The following CAPN13 variants were observed in gnomAD, a reference collection of about 807,000 sequenced individuals.
CAPN13 encodes the protein calpain 13, also known as calpain-13.
CAPN13 carries 90 observed loss-of-function variants against 98.4 expected under a neutral mutation model. The observed-to-expected ratio is 0.92, with a 90% confidence interval of 0.77 to 1.09. The LOEUF is 1.09. CAPN13 is among the 50% of genes least tolerant of loss of function. CAPN13 has a pLI of 0.00. For synonymous variants in CAPN13, 330 were observed against 305.5 expected, an observed-to-expected ratio of 1.08 and a Z score of -0.84; for missense variants, 887 against 841.3, an observed-to-expected ratio of 1.05 and a Z score of -0.67.
rs1054149930 is a variant in CAPN13 at position 30,773,883 on chromosome 2, G to A, written c.387+2047C>T. On this transcript the variant is annotated intron_variant, in intron 4 of 22. Transcript: ENST00000295055. ...CAGTATGTAAAACTTACAACCACTGGATAATATAGATTGTTCTTGTGTGTC... is the reference window on the plus strand; with the variant it reads ...CAGTATGTAAAACTTACAACCACTGAATAATATAGATTGTTCTTGTGTGTC... Among the ~76,000 whole-genome samples the A allele has an allele frequency of 7.2e-5, 11 of 152,132 alleles. 1 individual carries two copies. In the South Asian group the frequency reaches 2.1e-3, roughly 29 times the overall value.
In CAPN13 at chr2:30,743,315, T is replaced by C; in HGVS notation, c.1445+68A>G. ...GCACGAATGCACAGAGAACTGCCCATAATTACACAATGTGTTTTTATAAAG... is the reference window on the plus strand; with the variant it reads ...GCACGAATGCACAGAGAACTGCCCACAATTACACAATGTGTTTTTATAAAG... On this transcript the variant is annotated intron_variant, in intron 13 of 22. Coordinates refer to ENST00000295055, the MANE Select transcript of CAPN13 (RefSeq NM_144575.3). The C allele has an allele frequency of 7.9e-6, 11 of 1,396,814 alleles. No homozygotes were observed. In the South Asian group the frequency reaches 1.3e-4, roughly 16 times the overall value. 86.5% of individuals were successfully genotyped at this position (1,396,814 alleles called of 1,614,324 possible).
chr2:30,802,914 G>A (rs191691213), intron 1 of CAPN13, among the ~76,000 whole-genome samples: 2 of 152,312 alleles, frequency 1.3e-5, no homozygotes, highest in East Asian at 3.9e-4. Flanking sequence ...ACCTGGCTGA[G>A]GAAGAAGGCT....
rs768652352 is a variant in CAPN13, at chr2:30,731,557, T to G, written c.1928-158A>C. ...TGCCTGTCACCCATCCTTTTCTCTG[T>G]CTAGCCGAGCTCTGCACGGGGCGAG... On this transcript the variant is annotated intron_variant, in intron 20 of 22. Transcript: ENST00000295055. Among the ~76,000 whole-genome samples the G allele has an allele frequency of 2.6e-5, 4 of 151,976 alleles. No individual in the cohort carries two copies. In the South Asian group the frequency reaches 8.3e-4, roughly 32 times the overall value.
rs570331633 is a variant in CAPN13 at position 30,754,464 on chromosome 2, T to TG, written c.867-101dup. 1.0e-4 allele frequency: 99 copies of TG among 947,450 alleles called. No individual in the cohort carries two copies. In the African/African-American group the frequency reaches 1.4e-3, roughly 13 times the overall value. The allele number at this position is 947,450 out of a possible 1,614,324, so 58.7% of individuals were successfully genotyped here. On this transcript the variant is annotated intron_variant, in intron 8 of 22. Transcript: ENST00000295055. Reference sequence around the variant, plus strand: ...GACCCTCTGTACATGTCACCATTCCTGGGGAGCACAGGGCAAGTGTCATCC... The same window carrying TG: ...GACCCTCTGTACATGTCACCATTCCTGGGGGAGCACAGGGCAAGTGTCATCC...
Position 30,738,242 on chromosome 2 carries a change from A to G in CAPN13, c.1646T>C (p.Leu549Pro). The change falls in exon 17 of 23, where the codon CTG becomes CCG. Residue 549 changes from leucine to proline, a missense_variant. Coordinates refer to ENST00000295055, the MANE Select transcript of CAPN13 (RefSeq NM_144575.3). ...GATGACCGCAAAGGATACTTCCATC[A>G]GAGCCACCAAGCTGCGGCACTCATC... The part of the protein sequence containing the change: ...SLDECRSLVA[L>P]MELKVNGRLD... The G allele has an allele frequency of 6.2e-7, 1 of 1,614,016 alleles. No individual in the cohort carries two copies. The highest frequency in any genetic ancestry group is 8.5e-7 in the Non-Finnish European group (1 of 1,179,884).
intron 1 of CAPN13, among the ~76,000 whole-genome samples, chr2:30,787,983 T>C (rs1674401006): frequency 1.3e-5 from 2 of 152,118 alleles, no homozygotes; most frequent in Non-Finnish European, 2.9e-5. Context: ...CAGGAGCTCC[T>C]GCACTTGTCC....
intron 22 of CAPN13, among the ~76,000 whole-genome samples, chr2:30,730,231 C>T (rs570634987): frequency 4.6e-5 from 7 of 152,160 alleles, no homozygotes; most frequent in African/African-American, 9.6e-5. Flanking sequence ...GAGGAAATGA[C>T]GTGAGTGTTA....
intron 7 of CAPN13, among the ~76,000 whole-genome samples, chr2:30,762,762 G>A (rs2148019250): frequency 6.6e-6 from 1 of 152,328 alleles, no homozygotes; most frequent in East Asian, 1.9e-4. Context: ...CTTCCTCCCT[G>A]GAGTCAACTG....
chr2:30,728,584 G>A (rs1670942697), intron 22 of CAPN13, among the ~76,000 whole-genome samples: 2 of 152,204 alleles, frequency 1.3e-5, no homozygotes, highest in African/African-American at 4.8e-5. Flanking sequence ...TTGGAGTAGA[G>A]AGCAGGAAAA....
chr2:30,798,764 T>C (rs188833965), intron 1 of CAPN13, among the ~76,000 whole-genome samples: 179 of 152,284 alleles, frequency 1.2e-3, no homozygotes, highest in African/African-American at 3.7e-3. Flanking sequence ...GCCCAAACCC[T>C]GCACGAGGAG....
intron 8 of CAPN13, among the ~76,000 whole-genome samples, chr2:30,755,851 T>A (rs1672416714): frequency 6.6e-6 from 1 of 152,118 alleles, no homozygotes; most frequent in Non-Finnish European, 1.5e-5. Flanking sequence ...GTAGTGTAGA[T>A]CAATACGCTA....
chr2:30,796,455 T>C (rs985080618), intron 1 of CAPN13, among the ~76,000 whole-genome samples: 1 of 151,960 alleles, frequency 6.6e-6, no homozygotes, highest in African/African-American at 2.4e-5. Flanking sequence ...CTAAGAATCA[T>C]TGCACTGTAA....
chr2:30,745,737 G>A lies in CAPN13; in HGVS notation c.1237-3C>T. On this transcript the variant is annotated splice_region_variant and splice_polypyrimidine_tract_variant and intron_variant, in intron 11 of 22. Coordinates refer to ENST00000295055, the MANE Select transcript of CAPN13 (RefSeq NM_144575.3). ...CTGAGCCATACCTGTGAGCCAGCCTGTTGGAAACAGGGAGAAAGGCAGATT... is the reference window on the plus strand; with the variant it reads ...CTGAGCCATACCTGTGAGCCAGCCTATTGGAAACAGGGAGAAAGGCAGATT... The A allele has an allele frequency of 6.3e-7, 1 of 1,595,850 alleles. No homozygotes were observed. Among genetic ancestry groups the A allele is most frequent in the East Asian group, 2.2e-5 (1 of 44,840 alleles).
Position 30,743,495 on chromosome 2 carries a change from A to C in CAPN13, c.1333T>G (p.Phe445Val). The C allele has an allele frequency of 6.2e-7, 1 of 1,614,004 alleles. No individual in the cohort carries two copies. Among genetic ancestry groups the C allele is most frequent in the South Asian group, 1.1e-5 (1 of 91,088 alleles). Residue 445 changes from phenylalanine to valine, a missense_variant, in exon 13 of 23, where the codon TTC becomes GTC. Physicochemically the swap from Phe to Val is conservative, Grantham distance 50 (BLOSUM62 -1). Coordinates refer to ENST00000295055, the MANE Select transcript of CAPN13 (RefSeq NM_144575.3). ...GGGCTCAGATGGTAAGTCATGGTGA[A>C]GTTGCGGCGGAATTTATTATTTGAG... ...QSSNNKFRRN[F>V]TMTYHLSPGN...
In CAPN13 at chr2:30,753,218, A is replaced by T. The variant is rs772566548; in HGVS notation, c.942-20T>A. 6.2e-7 allele frequency: 1 copy of T among 1,613,220 alleles called. No individual in the cohort carries two copies. Among genetic ancestry groups the T allele is most frequent in the Non-Finnish European group, 8.5e-7 (1 of 1,179,392 alleles). ...GACATCCTGTTAAAAACAGATATACATCACTCAGTGACCAGGGGTTGTGTC... is the reference window on the plus strand; with the variant it reads ...GACATCCTGTTAAAAACAGATATACTTCACTCAGTGACCAGGGGTTGTGTC... On this transcript the variant is annotated intron_variant, in intron 9 of 22. Transcript: ENST00000295055.
chr2:30,755,221 C>T (rs1235757598), intron 8 of CAPN13, among the ~76,000 whole-genome samples: 1 of 152,044 alleles, frequency 6.6e-6, no homozygotes, highest in African/African-American at 2.4e-5. Flanking sequence ...CATCTTTCCT[C>T]TTAAAGGGCA....
At chr2:30,742,503 G>A in intron 13 of CAPN13, 144 bp from the exon 14 acceptor site, 6 of 839,752 alleles carry the variant, frequency 7.1e-6, no homozygotes, top group Middle Eastern at 2.3e-4. Context: ...CACGAAGTGA[G>A]CAGCTACAGC....
intron 2 of CAPN13, among the ~76,000 whole-genome samples, chr2:30,781,697 T>C (rs1335976966): frequency 6.6e-6 from 1 of 152,188 alleles, no homozygotes; most frequent in Non-Finnish European, 1.5e-5. Context: ...ACTACATCAC[T>C]GGCTTTCCTG....
At chr2:30,746,092 TTTCACCGTGTTGGTCAGGCTGGTC>T (rs1019106808) in intron 11 of CAPN13, among the ~76,000 whole-genome samples, 1 of 151,922 alleles carries the variant, frequency 6.6e-6, no homozygotes, top group African/African-American at 2.4e-5. Context: ...AGAGACGGGG[TTTCACCGTGTTGGTCAGGCTGGTC>T]TTGAACTCCC....
Sources: gnomAD v4.1 joint callset for allele counts (sites outside exome capture counted in the v4.1 genomes callset) on GRCh38, gnomAD v4.1.1 for gene constraint, MANE v1.5 for transcripts, NCBI Gene and HGNC (gene_info 2026-07-23, HGNC 2026-07-21) for gene names.